EML1: variants seen among roughly 807,000 people sequenced by gnomAD.
EML1 encodes EMAP like 1, also known as echinoderm microtubule-associated protein-like 1.
A neutral mutation model predicts 110.4 loss-of-function variants in EML1; 27 were observed. The observed-to-expected ratio is 0.24, with a 90% CI of 0.18 to 0.34. The LOEUF is 0.34. Among genes scored for constraint, EML1 ranks in the 10% least tolerant of loss-of-function variants. The pLI is 1.00. For synonymous variants in EML1, 344 were observed against 385.8 expected (o/e 0.89, Z 1.27); for missense variants, 741 against 1,030.9 (o/e 0.72, Z 3.85).
chr14:99,769,378 C>G (rs2057399879), upstream of EML1, among the ~76,000 whole-genome samples: 1 of 152,146 alleles, frequency 6.6e-6, no homozygotes, highest in Non-Finnish European at 1.5e-5. Context: ...CAGGAGGTGG[C>G]CCTTTGGAAG....
At chr14:99,881,387 G>C (rs1447144730) in intron 4 of EML1, among the ~76,000 whole-genome samples, 1 of 152,138 alleles carries the variant, frequency 6.6e-6, no homozygotes. Context: ...TTAGAAAAAG[G>C]CTCCCTTTAC....
chr14:99,755,958 C>T (rs184191451), intron 1 of EML1, among the ~76,000 whole-genome samples: 5 of 152,302 alleles, frequency 3.3e-5, no homozygotes, highest in East Asian at 3.9e-4. Context: ...TCAAGGAACC[C>T]GCCCAGGGTC....
Position 99,939,365 on chromosome 14 carries a change from G to A in EML1, c.2322+38G>A. 6.2e-7 allele frequency: 1 copy of A among 1,612,618 alleles called. No individual in the cohort carries two copies. The highest frequency in any genetic ancestry group is 1.3e-5 in the African/African-American group (1 of 75,016). On this transcript the variant is annotated intron_variant, in intron 21 of 21. Coordinates refer to ENST00000262233, the MANE Select transcript of EML1 (RefSeq NM_004434.3). This position sits in a 1 kb window ranked among gnomAD's most constrained non-coding sequence, Gnocchi z 4.2. The stretch of plus-strand genomic sequence containing the variant: ...TTTCTTCACTAATCTTATCCCCCAT[G>A]GGGCATGCACGTACACCCGACCTGT...
intron 1 of EML1, among the ~76,000 whole-genome samples, chr14:99,839,807 C>T (rs998429440): frequency 1.4e-4 from 22 of 152,166 alleles, no homozygotes; most frequent in Admixed American, 1.1e-3. Context: ...AAGTGATGAA[C>T]GTCAGAGCCG....
intron 4 of EML1, among the ~76,000 whole-genome samples, chr14:99,886,635 G>C (rs1453535334): frequency 6.6e-6 from 1 of 152,212 alleles, no homozygotes; most frequent in African/African-American, 2.4e-5. Flanking sequence ...ACAGCACGTG[G>C]CTCCTATTAG....
chr14:99,837,171 A>G (rs959918298), intron 1 of EML1, among the ~76,000 whole-genome samples: 1 of 151,946 alleles, frequency 6.6e-6, no homozygotes, highest in African/African-American at 2.4e-5. Context: ...GCGAACCCCA[A>G]TCGTCTTGGC....
intron 2 of EML1, among the ~76,000 whole-genome samples, chr14:99,856,812 C>T (rs1217404803): frequency 6.6e-6 from 1 of 152,160 alleles, no homozygotes; most frequent in Non-Finnish European, 1.5e-5. Flanking sequence ...AAGAAGAGTA[C>T]CTTTTACCTG....
chr14:99,745,266 A>G (rs2057094341), intron 1 of EML1, among the ~76,000 whole-genome samples: 2 of 152,170 alleles, frequency 1.3e-5, no homozygotes, highest in South Asian at 4.1e-4. Context: ...AGGTTTCACC[A>G]TGTTGCCCAG....
Position 99,849,729 on chromosome 14 carries a change from G to A in EML1, c.68-1124G>A, listed in dbSNP as rs142734859. Among the ~76,000 whole-genome samples the A allele has an allele frequency of 4.6e-3, 703 of 151,780 alleles. 3 individuals are homozygous for A. The highest frequency in any genetic ancestry group is 0.014 in the Middle Eastern group (4 of 294). ...CACCCAGCTAATTTTTGAATTTTTA[G>A]TAGAGATGGGGTTTCACCCTATTGG... On this transcript the variant is annotated intron_variant, in intron 1 of 21. Coordinates refer to ENST00000262233, the MANE Select transcript of EML1 (RefSeq NM_004434.3).
At chr14:99,860,044 T>C (rs1951573) in intron 2 of EML1, among the ~76,000 whole-genome samples, 103,023 of 151,872 alleles carry the variant, frequency 0.68, 35,132 homozygotes, top group Non-Finnish European at 0.7. Context: ...GCGTGTGCTG[T>C]GTCTTCCAGC....
intron 1 of EML1, among the ~76,000 whole-genome samples, chr14:99,801,471 C>T (rs1005766191): frequency 6.6e-5 from 10 of 151,814 alleles, no homozygotes; most frequent in Non-Finnish European, 1.2e-4. Flanking sequence ...AAAAATTAGC[C>T]GGGCGTGGTG....
intron 16 of EML1, among the ~76,000 whole-genome samples, chr14:99,918,203 T>A (rs778438225): frequency 6.6e-6 from 1 of 152,164 alleles, no homozygotes; most frequent in Non-Finnish European, 1.5e-5. Context: ...GCTTAAGTGA[T>A]CCTCCCACCT....
intron 16 of EML1, among the ~76,000 whole-genome samples, chr14:99,920,278 G>T (rs60418665): frequency 3.4e-4 from 52 of 152,128 alleles, no homozygotes; most frequent in African/African-American, 1.2e-3. Context: ...GCTTTCCCTC[G>T]CCCTGTTGGT....
intron 2 of EML1, among the ~76,000 whole-genome samples, chr14:99,855,546 G>GA (rs1213297560): frequency 6.6e-6 from 1 of 152,182 alleles, no homozygotes; most frequent in Non-Finnish European, 1.5e-5. Context: ...AAATGTAGAT[G>GA]AAAATATAGT....
At chr14:99,793,367 C>G, upstream of EML1, 16 of 991,098 alleles carry the variant, frequency 1.6e-5, no homozygotes, top group Non-Finnish European at 1.9e-5. Context: ...GCCGCCACAG[C>G]AGGGCCGGCC....
At chr14:99,816,823 A>G (rs2058175780) in intron 1 of EML1, among the ~76,000 whole-genome samples, 1 of 152,164 alleles carries the variant, frequency 6.6e-6, no homozygotes, top group Non-Finnish European at 1.5e-5. Context: ...CATGTCCTTC[A>G]CTTTGGCACG....
intron 5 of EML1, 52 bp from the exon 6 acceptor site, chr14:99,894,577 C>A: frequency 6.4e-7 from 1 of 1,562,078 alleles, no homozygotes; most frequent in Non-Finnish European, 8.7e-7. Context: ...CATTTGTTTT[C>A]AGGTACGCTG....
chr14:99,844,592 T>G (rs1400373220), intron 1 of EML1, among the ~76,000 whole-genome samples: 1 of 152,222 alleles, frequency 6.6e-6, no homozygotes, highest in African/African-American at 2.4e-5. Context: ...ATTTTTGAGA[T>G]AATTCTATGT....
Position 99,831,881 on chromosome 14 carries a change from C to G in EML1, c.68-18972C>G, listed in dbSNP as rs562755060. Reference sequence around the variant, plus strand: ...TTTTTTTGCTGCTTCCTCCCCTTAACAAAAAAGCTTTCTTGAGGTATCAAC... The same window carrying G: ...TTTTTTTGCTGCTTCCTCCCCTTAAGAAAAAAGCTTTCTTGAGGTATCAAC... On this transcript the variant is annotated intron_variant, in intron 1 of 21. Coordinates refer to ENST00000262233, the MANE Select transcript of EML1 (RefSeq NM_004434.3). 3.6e-3 allele frequency among the ~76,000 whole-genome samples: 531 copies of G among 149,332 alleles called. 2 individuals carry two copies. Among genetic ancestry groups the G allele is most frequent in the African/African-American group, 0.013 (513 of 40,450 alleles).
Sources: allele counts gnomAD v4.1 joint callset (sites outside exome capture counted in the v4.1 genomes callset), GRCh38; gene constraint gnomAD v4.1.1; non-coding constraint Gnocchi (gnomAD v3.1); transcripts MANE v1.5; gene names NCBI Gene and HGNC (gene_info 2026-07-23, HGNC 2026-07-21).